The following RIMS2 variants were observed in gnomAD, a reference collection of about 807,000 sequenced individuals.
RIMS2 encodes the protein regulating synaptic membrane exocytosis protein 2.
RIMS2 carries 59 observed loss-of-function variants against 174.4 expected under a neutral mutation model. The ratio of observed to expected loss-of-function variants is 0.34; its 90% CI spans 0.27 to 0.42. RIMS2 has a LOEUF of 0.42. Among genes scored for constraint, RIMS2 ranks in the 10% least tolerant of loss-of-function variants. RIMS2 has a pLI of 1.00. For missense variants in RIMS2, 1,620 were observed against 1,666.3 expected (o/e 0.97, Z 0.48); for synonymous variants, 606 against 572.5 (o/e 1.06, Z -0.84).
At chr8:103,934,677 T>C (rs1047100574) in intron 12 of RIMS2, among the ~76,000 whole-genome samples, 1 of 151,812 alleles carries the variant, frequency 6.6e-6, no homozygotes, top group Non-Finnish European at 1.5e-5. Flanking sequence ...CTTTTTCCTT[T>C]CAGATTTTGA....
chr8:104,112,952 T>C (rs1183186847), intron 19 of RIMS2, among the ~76,000 whole-genome samples: 1 of 152,190 alleles, frequency 6.6e-6, no homozygotes, highest in East Asian at 1.9e-4. Flanking sequence ...TTAGGTAAAA[T>C]TTAGTGCCCT....
chr8:103,692,779 C>G (rs993949385), intron 1 of RIMS2, among the ~76,000 whole-genome samples: 1 of 152,138 alleles, frequency 6.6e-6, no homozygotes, highest in Non-Finnish European at 1.5e-5. Flanking sequence ...AGACAAAGTC[C>G]TTTATACTCT....
chr8:103,892,613 T>C (rs2099253475), intron 4 of RIMS2, among the ~76,000 whole-genome samples: 1 of 152,114 alleles, frequency 6.6e-6, no homozygotes, highest in Non-Finnish European at 1.5e-5. Context: ...TTATGCTAAA[T>C]AATTATTCCA....
Position 103,942,914 on chromosome 8 carries a change from C to T in RIMS2, c.2689C>T (p.Arg897Trp), listed in dbSNP as rs746895436. ...ACAGCTCCATGGAGAGAGCCCAACA[C>T]GGAGGTTGCAAAGTAAGTTTTACTA... is the stretch of plus-strand genomic sequence containing the variant. Residue 897 changes from arginine (R) to tryptophan (W), a missense_variant, in exon 14 of 24, where the codon CGG becomes TGG. Transcript: ENST00000504942. 2.4e-5 allele frequency: 38 copies of T among 1,605,126 alleles called. No homozygotes were observed. In the Admixed American group the frequency reaches 3.8e-4, roughly 16 times the overall value.
chr8:104,251,981 C>A, downstream of RIMS2: 1 of 610,108 alleles, frequency 1.6e-6, no homozygotes, highest in Non-Finnish European at 2.9e-6. Flanking sequence ...AAGTTGCACA[C>A]ATTGTGCCCT....
intron 3 of RIMS2, among the ~76,000 whole-genome samples, chr8:103,815,720 G>C (rs2098714355): frequency 6.6e-6 from 1 of 152,130 alleles, no homozygotes. Context: ...TTTGTCAAAT[G>C]AATAAGCATG....
At chr8:103,755,332 C>A (rs956280121) in intron 2 of RIMS2, among the ~76,000 whole-genome samples, 2 of 152,240 alleles carry the variant, frequency 1.3e-5, no homozygotes, top group East Asian at 3.9e-4. Context: ...TTGTGGGTAA[C>A]CTGCCTTTTC....
At position 104,110,385 on chromosome 8, in the gene RIMS2, T is replaced by C. The variant is rs1036970099; in HGVS notation, c.3334+95770T>C. ...AAAAACATTCTCAAAAGAAAATCTA[T>C]AATTTCTTGCTGCCTCTAACCATTA... On this transcript the variant is annotated intron_variant, in intron 19 of 23. Transcript: ENST00000504942. 3.3e-5 allele frequency among the ~76,000 whole-genome samples: 5 copies of C among 152,300 alleles called. No homozygotes were observed. In the East Asian group the frequency reaches 7.7e-4, roughly 24 times the overall value.
At chr8:103,919,525 T>C (rs2077211606) in intron 9 of RIMS2, among the ~76,000 whole-genome samples, 1 of 151,480 alleles carries the variant, frequency 6.6e-6, no homozygotes. Context: ...GCAAATAGAT[T>C]AAATAGAGTC....
At chr8:104,151,566 C>T (rs2098689677) in intron 19 of RIMS2, among the ~76,000 whole-genome samples, 1 of 141,872 alleles carries the variant, frequency 7.0e-6, no homozygotes, top group South Asian at 2.5e-4. Context: ...AGACTCTGTC[C>T]TGCACTCCCC....
At chr8:103,545,512 G>A (rs1844616597) in intron 1 of RIMS2, among the ~76,000 whole-genome samples, 1 of 152,104 alleles carries the variant, frequency 6.6e-6, no homozygotes, top group Non-Finnish European at 1.5e-5. Flanking sequence ...TTGACATCCA[G>A]GAAATGTAGA....
chr8:103,609,719 C>A (rs2095300037), intron 1 of RIMS2, among the ~76,000 whole-genome samples: 1 of 152,124 alleles, frequency 6.6e-6, no homozygotes, highest in Admixed American at 6.5e-5. Context: ...CCGTTCCATG[C>A]TGTTTGATTA....
chr8:103,805,912 T>A (rs1214504298), intron 3 of RIMS2, among the ~76,000 whole-genome samples: 15 of 152,120 alleles, frequency 9.9e-5, no homozygotes, highest in Admixed American at 9.2e-4. Context: ...CTCAGAAATA[T>A]TTATAATATT....
intron 1 of RIMS2, among the ~76,000 whole-genome samples, chr8:103,630,715 C>T (rs1032269754): frequency 7.3e-5 from 11 of 151,322 alleles, no homozygotes; most frequent in Non-Finnish European, 5.9e-5. Context: ...AAGAGATGTG[C>T]CAAAAACAGT....
Position 103,501,079 on chromosome 8 carries a change from A to C in RIMS2, c.176+17A>C. ...CGTGCTCAAGTAAGGACCTGGCTCC[A>C]TATTCCCGCCTCTCTCCCTGCCCTC... On this transcript the variant is annotated intron_variant, in intron 1 of 23. Transcript: ENST00000504942. The C allele has an allele frequency of 6.6e-7, 1 of 1,526,158 alleles. No homozygotes were observed. The highest frequency in any genetic ancestry group is 1.9e-5 in the Admixed American group (1 of 52,608). 94.5% of individuals were successfully genotyped at this position (1,526,158 alleles called of 1,614,324 possible). A position where few individuals can be genotyped will look rare whatever the true frequency, so the allele number is the denominator to read the frequency against.
intron 19 of RIMS2, among the ~76,000 whole-genome samples, chr8:104,106,445 C>A (rs1009854470): frequency 6.8e-6 from 1 of 146,906 alleles, no homozygotes; most frequent in Non-Finnish European, 1.5e-5. Context: ...TGTTCATTAT[C>A]ATTGATTAAT....
At chr8:103,803,274 T>C (rs1269319151) in intron 3 of RIMS2, among the ~76,000 whole-genome samples, 2 of 152,144 alleles carry the variant, frequency 1.3e-5, no homozygotes, top group Non-Finnish European at 2.9e-5. Flanking sequence ...GTCTTTCATA[T>C]TGGGGATTTG....
At chr8:103,872,777 C>T (rs1313974142) in intron 3 of RIMS2, among the ~76,000 whole-genome samples, 1 of 152,138 alleles carries the variant, frequency 6.6e-6, no homozygotes, top group Non-Finnish European at 1.5e-5. Context: ...ACCTAATAAA[C>T]TTCTATCTAA....
intron 19 of RIMS2, among the ~76,000 whole-genome samples, chr8:104,216,084 T>A (rs1166940004): frequency 6.6e-6 from 1 of 152,222 alleles, no homozygotes; most frequent in Non-Finnish European, 1.5e-5. Flanking sequence ...ATATTTCCTA[T>A]CTTGTCTGGA....
Sources: gnomAD v4.1 joint callset for allele counts (sites outside exome capture counted in the v4.1 genomes callset) on GRCh38, gnomAD v4.1.1 for gene constraint, MANE v1.5 for transcripts, NCBI Gene and HGNC (gene_info 2026-07-23, HGNC 2026-07-21) for gene names.